ARHGAP11A: variants seen among roughly 807,000 people sequenced by gnomAD.
The protein encoded by ARHGAP11A is Rho GTPase activating protein 11A, also known as rho GTPase-activating protein 11A.
In ARHGAP11A, 36 loss-of-function variants were observed where a neutral mutation model predicts 60.5. The ratio of observed to expected loss-of-function variants is 0.59; its 90% CI spans 0.46 to 0.79. ARHGAP11A has a LOEUF of 0.79. Among genes scored for constraint, ARHGAP11A ranks in the 30% least tolerant of loss-of-function variants. The probability of loss-of-function intolerance (pLI) is 0.00; values close to 1 mark genes in which losing one functional copy is unlikely to be tolerated. For synonymous variants in ARHGAP11A, 362 were observed against 415.5 expected (o/e 0.87, Z 1.57); for missense variants, 1,071 against 1,199.2 (o/e 0.89, Z 1.58).
Position 32,636,969 on chromosome 15 carries a change from A to G in ARHGAP11A, c.2196A>G (p.Lys732=). ...AGAAACAGCAGTCCCCAAAGGATAA[A>G]CTAAATAATAAATTAAAAGAGAATG... The part of the protein sequence containing the change: ...EIKKQQSPKD[K]LNNKLKENEN... The change falls in exon 12 of 12, where the codon AAA becomes AAG. Residue 732 remains lysine, a synonymous_variant. Coordinates refer to ENST00000361627, the MANE Select transcript of ARHGAP11A (RefSeq NM_014783.6). 6.2e-7 allele frequency: 1 copy of G among 1,609,794 alleles called. No individual in the cohort carries two copies. Among genetic ancestry groups the G allele is most frequent in the Non-Finnish European group, 8.5e-7 (1 of 1,178,892 alleles).
chr15:32,621,230 G>T (rs147077882), intron 2 of ARHGAP11A, among the ~76,000 whole-genome samples: 3 of 113,926 alleles, frequency 2.6e-5, no homozygotes, highest in Non-Finnish European at 4.9e-5. Context: ...CACTCTTGTC[G>T]CCCAGGCTGG....
At chr15:32,624,914 A>T (rs913207387) in intron 4 of ARHGAP11A, among the ~76,000 whole-genome samples, 166 bp from the exon 5 acceptor site, 34 of 152,146 alleles carry the variant, frequency 2.2e-4, no homozygotes, top group African/African-American at 8.2e-4. Context: ...GAGGCTATAT[A>T]TTTCTGGTTC....
chr15:32,633,917 A>C lies in ARHGAP11A; in HGVS notation c.1236-16A>C, dbSNP rs373541098. The stretch of plus-strand genomic sequence containing the variant: ...TTTATACTATAAACTGACATTTTTA[A>C]TTCCACTTCTTCTAGAGTGGAATCA... On this transcript the variant is annotated splice_polypyrimidine_tract_variant and intron_variant, in intron 9 of 11. Coordinates refer to ENST00000361627, the MANE Select transcript of ARHGAP11A (RefSeq NM_014783.6). The C allele has an allele frequency of 3.3e-6, 5 of 1,537,290 alleles. No individual in the cohort carries two copies. Among genetic ancestry groups the C allele is most frequent in the Middle Eastern group, 2.0e-4 (1 of 4,944 alleles).
At chr15:32,634,234 T>C (rs2053653471) in intron 10 of ARHGAP11A, among the ~76,000 whole-genome samples, 193 bp downstream of exon 10, 1 of 152,230 alleles carries the variant, frequency 6.6e-6, no homozygotes, top group South Asian at 2.1e-4. Context: ...TGGACTTCTC[T>C]TTTTTCTCTC....
upstream of ARHGAP11A, chr15:32,615,498 G>C (rs1461268474): frequency 6.6e-6 from 1 of 152,260 alleles, no homozygotes; most frequent in African/African-American, 2.4e-5. Context: ...CTGAAACTGC[G>C]GGTGTGACCC....
intron 4 of ARHGAP11A, 102 bp downstream of exon 4, chr15:32,624,528 T>A (rs2053413551): frequency 6.9e-7 from 1 of 1,453,932 alleles, no homozygotes; most frequent in East Asian, 2.4e-5. Context: ...GAAATTTTTC[T>A]TTAAAAATTC....
rs1039260040 is a variant in ARHGAP11A, at chr15:32,639,587, G to A, written c.*1742G>A. The A allele has an allele frequency of 6.6e-6, 1 of 152,148 alleles. No individual in the cohort carries two copies. Among genetic ancestry groups the A allele is most frequent in the African/African-American group, 2.4e-5 (1 of 41,430 alleles). The allele number at this position is 152,148 out of a possible 1,614,324, so 9.4% of individuals were successfully genotyped here. Reference sequence around the variant, plus strand: ...AGACTAATTCAGTAAGAAGTCCTAGGGGTTTAACTGTACATACTACCTGAA... The same window carrying A: ...AGACTAATTCAGTAAGAAGTCCTAGAGGTTTAACTGTACATACTACCTGAA... On this transcript the variant is annotated 3_prime_UTR_variant, in exon 12 of 12. Transcript: ENST00000361627.
chr15:32,629,976 T>G (rs1262137370), intron 8 of ARHGAP11A, among the ~76,000 whole-genome samples: 1 of 77,194 alleles, frequency 1.3e-5, no homozygotes, highest in East Asian at 3.3e-4. Flanking sequence ...GTGTGTGTGT[T>G]ATGACAACAT....
chr15:32,621,840 GAAA>G (rs112410953), intron 2 of ARHGAP11A, among the ~76,000 whole-genome samples: 1 of 10,566 alleles, frequency 9.5e-5, no homozygotes, highest in East Asian at 3.4e-3. Context: ...AAAAAAAAAA[GAAA>G]AAAAAAGAAT....
rs550508238 is a variant in ARHGAP11A at position 32,625,006 on chromosome 15, T to C, written c.552-74T>C. On this transcript the variant is annotated intron_variant, in intron 4 of 11. Transcript: ENST00000361627. ...GACTGATAATAAGGTCTTCAAAATG[T>C]ACTACATACGTTATTTTAACTCTTC... is the stretch of plus-strand genomic sequence containing the variant. The C allele has an allele frequency of 3.3e-6, 5 of 1,517,448 alleles. No homozygotes were observed. The African/African-American group carries it at 6.9e-5, about 21-fold the overall frequency. 94.0% of individuals were successfully genotyped at this position (1,517,448 alleles called of 1,614,324 possible).
intron 6 of ARHGAP11A, among the ~76,000 whole-genome samples, chr15:32,627,668 GTA>G (rs1301119911): frequency 6.6e-6 from 1 of 152,132 alleles, no homozygotes; most frequent in East Asian, 1.9e-4. Context: ...GGCGGAGGTT[GTA>G]GTTGGCTGAG....
rs766546330 is a variant in ARHGAP11A at position 32,637,548 on chromosome 15, G to A, written c.2775G>A (p.Ser925=). The A allele has an allele frequency of 1.6e-5, 26 of 1,614,084 alleles. No individual in the cohort carries two copies. The highest frequency in any genetic ancestry group is 8.3e-5 in the Admixed American group (5 of 60,024). The part of the protein sequence containing the change: ...AISKSSMELP[S]KSFLKMRKHP... ...CAAAGTCAAGCATGGAGTTACCCTC[G>A]AAATCTTTCTTAAAGATGAGGAAGC... The change falls in exon 12 of 12, where the codon TCG becomes TCA. Residue 925 remains serine (S), a synonymous_variant. Transcript: ENST00000361627.
chr15:32,619,334 A>G (rs1225089394), intron 1 of ARHGAP11A, among the ~76,000 whole-genome samples: 1 of 152,222 alleles, frequency 6.6e-6, no homozygotes, highest in Non-Finnish European at 1.5e-5. Context: ...AAAGCGACAC[A>G]TTTTTAAGAG....
At position 32,624,962 on chromosome 15, in the gene ARHGAP11A, A is replaced by C. The variant is rs1256724209; in HGVS notation, c.552-118A>C. ...AAGCCAATCATGTAGATGAAGGGTA[A>C]CTATTTTGACTTGTGTATGACTGAT... On this transcript the variant is annotated intron_variant, in intron 4 of 11. Coordinates refer to ENST00000361627, the MANE Select transcript of ARHGAP11A (RefSeq NM_014783.6). 5.8e-6 allele frequency: 6 copies of C among 1,029,206 alleles called. No homozygotes were observed. In the South Asian group the frequency reaches 1.0e-4, roughly 17 times the overall value. 63.8% of individuals were successfully genotyped at this position (1,029,206 alleles called of 1,614,324 possible).
chr15:32,628,694 G>A, intron 6 of ARHGAP11A, 34 bp from the exon 7 acceptor site: 1 of 1,482,672 alleles, frequency 6.7e-7, no homozygotes, highest in Non-Finnish European at 9.1e-7. Context: ...ACAAGTAAAT[G>A]TGAAGTTGTA....
chr15:32,635,446 T>G (rs1051784846), intron 10 of ARHGAP11A, among the ~76,000 whole-genome samples: 2 of 152,196 alleles, frequency 1.3e-5, no homozygotes, highest in African/African-American at 4.8e-5. Context: ...GTAAATTACA[T>G]AAGGATAAGA....
chr15:32,628,008 C>T (rs2140460860), intron 6 of ARHGAP11A, among the ~76,000 whole-genome samples: 1 of 152,190 alleles, frequency 6.6e-6, no homozygotes, highest in Middle Eastern at 3.4e-3. Context: ...GGGGGTTTCA[C>T]TGTGTTGGCC....
chr15:32,620,110 TA>T lies in ARHGAP11A; in HGVS notation c.136del (p.Ile46TyrfsTer31). 1 of 1,605,056 alleles carries T rather than the reference TA, an allele frequency of 6.2e-7. No individual in the cohort carries two copies. The highest frequency in any genetic ancestry group is 8.5e-7 in the Non-Finnish European group (1 of 1,175,226). On this transcript the variant is annotated frameshift_variant, in exon 2 of 12. Coordinates refer to ENST00000361627, the MANE Select transcript of ARHGAP11A (RefSeq NM_014783.6). LOFTEE classifies it high-confidence loss of function. ...HETAATEIGG[K>X]IFGVPFNALP... ...AGTAACTGAATTTGTCATTTTAGGGTAAAATATTTGGAGTACCTTTTAATGC... is the reference window on the plus strand; with the variant it reads ...AGTAACTGAATTTGTCATTTTAGGGTAAATATTTGGAGTACCTTTTAATGC...
chr15:32,619,768 A>G (rs187060936), intron 1 of ARHGAP11A, among the ~76,000 whole-genome samples: 8 of 152,298 alleles, frequency 5.3e-5, no homozygotes, highest in Admixed American at 3.9e-4. Context: ...TTTGGGGTAA[A>G]TGTTAGTGTT....
Sources: allele counts gnomAD v4.1 joint callset (sites outside exome capture counted in the v4.1 genomes callset), GRCh38; gene constraint gnomAD v4.1.1; transcripts MANE v1.5; gene names NCBI Gene and HGNC (gene_info 2026-07-23, HGNC 2026-07-21).